The following ROBO1 variants were observed in gnomAD, a reference collection of about 807,000 sequenced individuals.
The protein encoded by ROBO1 is roundabout homolog 1.
A neutral mutation model predicts 195.9 loss-of-function variants in ROBO1; 149 were observed. The ratio of observed to expected loss-of-function variants is 0.76; its 90% CI spans 0.67 to 0.87. The LOEUF (loss-of-function observed/expected upper bound fraction) is 0.87. Ranked by LOEUF, ROBO1 falls within the 40% of genes least tolerant of loss-of-function variation. ROBO1 has a pLI of 0.00. For synonymous variants in ROBO1, 816 were observed against 733.2 expected, an observed-to-expected ratio of 1.11 and a Z score of -1.82; for missense variants, 1,933 against 2,068.3, an observed-to-expected ratio of 0.93 and a Z score of 1.27.
chr3:78,865,344 T>C (rs1260640068), intron 4 of ROBO1, among the ~76,000 whole-genome samples: 1 of 152,232 alleles, frequency 6.6e-6, no homozygotes, highest in East Asian at 1.9e-4. Flanking sequence ...CTAGTGAGTA[T>C]ACTTTAATAT....
chr3:79,566,103 C>T (rs1943081772), intron 2 of ROBO1, among the ~76,000 whole-genome samples: 1 of 152,010 alleles, frequency 6.6e-6, no homozygotes, highest in Non-Finnish European at 1.5e-5. Flanking sequence ...ACCTACAGAG[C>T]ACTATTTGGC....
At chr3:79,395,602 T>C (rs1311358137) in intron 2 of ROBO1, among the ~76,000 whole-genome samples, 1 of 152,092 alleles carries the variant, frequency 6.6e-6, no homozygotes, top group African/African-American at 2.4e-5. Context: ...AAATTGTAAC[T>C]GCTATTAGTA....
intron 3 of ROBO1, among the ~76,000 whole-genome samples, chr3:79,118,561 T>C (rs2080052662): frequency 1.3e-5 from 2 of 152,134 alleles, no homozygotes; most frequent in African/African-American, 4.8e-5. Flanking sequence ...CTAAAATTTG[T>C]AGCTTTTGCT....
At chr3:79,327,741 T>C (rs2034271269) in intron 2 of ROBO1, among the ~76,000 whole-genome samples, 1 of 151,542 alleles carries the variant, frequency 6.6e-6, no homozygotes, top group South Asian at 2.1e-4. Context: ...AAGCCCGTGA[T>C]CCATTCTCTA....
chr3:79,283,948 C>T (rs545741542), intron 2 of ROBO1, among the ~76,000 whole-genome samples: 3 of 152,096 alleles, frequency 2.0e-5, no homozygotes, highest in East Asian at 1.9e-4. Context: ...CCGCCCGCCT[C>T]GGCCTCCCAA....
chr3:79,146,460 AGT>A (rs1218281333), intron 2 of ROBO1, among the ~76,000 whole-genome samples: 10 of 152,064 alleles, frequency 6.6e-5, no homozygotes, highest in African/African-American at 7.2e-5. Flanking sequence ...GGCTAAATAT[AGT>A]GTGACAGATA....
chr3:78,656,589 G>C (rs1464798346), intron 18 of ROBO1, among the ~76,000 whole-genome samples: 2 of 151,970 alleles, frequency 1.3e-5, no homozygotes, highest in African/African-American at 2.4e-5. Context: ...CTGACCTCGT[G>C]ATTTGCCTGC....
At chr3:79,032,948 A>G (rs1351581982) in intron 3 of ROBO1, among the ~76,000 whole-genome samples, 1 of 152,096 alleles carries the variant, frequency 6.6e-6, no homozygotes, top group African/African-American at 2.4e-5. Flanking sequence ...CTGTTCATTA[A>G]CTAGATGGGA....
At chr3:78,779,429 A>G (rs997041107) in intron 4 of ROBO1, among the ~76,000 whole-genome samples, 5 of 152,212 alleles carry the variant, frequency 3.3e-5, no homozygotes, top group Admixed American at 1.3e-4. Context: ...AAACAACCCC[A>G]TCAAAAAGTG....
chr3:79,524,911 G>T (rs932489588), intron 2 of ROBO1, among the ~76,000 whole-genome samples: 1 of 151,848 alleles, frequency 6.6e-6, no homozygotes, highest in Non-Finnish European at 1.5e-5. Flanking sequence ...GTGTGTGTGT[G>T]TTTTTGTATA....
At chr3:79,332,223 C>G (rs1194535036) in intron 2 of ROBO1, among the ~76,000 whole-genome samples, 1 of 148,110 alleles carries the variant, frequency 6.8e-6, no homozygotes, top group East Asian at 2.0e-4. Flanking sequence ...AAATACCATG[C>G]AGGTACTAAC....
chr3:79,674,181 C>A (rs1946714606), intron 1 of ROBO1, among the ~76,000 whole-genome samples: 1 of 151,934 alleles, frequency 6.6e-6, no homozygotes, highest in African/African-American at 2.4e-5. Context: ...AAAGGACCTG[C>A]AATTGAGACA....
intron 3 of ROBO1, among the ~76,000 whole-genome samples, chr3:78,989,756 T>G (rs763834353): frequency 6.6e-6 from 1 of 152,226 alleles, no homozygotes; most frequent in African/African-American, 2.4e-5. Context: ...TTCTGTTGTA[T>G]AAATTAATTG....
chr3:79,766,476 C>T (rs1418218630), intron 1 of ROBO1, among the ~76,000 whole-genome samples: 1 of 151,728 alleles, frequency 6.6e-6, no homozygotes, highest in East Asian at 2.0e-4. Context: ...AGAAGGGTAT[C>T]CCAGGATTTT....
chr3:79,569,108 G>T (rs1337838847), intron 2 of ROBO1, among the ~76,000 whole-genome samples: 1 of 149,068 alleles, frequency 6.7e-6, no homozygotes, highest in Non-Finnish European at 1.5e-5. Context: ...AACCAGACAC[G>T]CATGCGCGTG....
intron 2 of ROBO1, among the ~76,000 whole-genome samples, chr3:79,272,940 G>T (rs1265780114): frequency 2.0e-5 from 3 of 152,034 alleles, no homozygotes; most frequent in Non-Finnish European, 4.4e-5. Flanking sequence ...ACAGGCCAGG[G>T]GAGAATGGAA....
chr3:79,198,055 G>A (rs1382486665), intron 2 of ROBO1, among the ~76,000 whole-genome samples: 1 of 151,934 alleles, frequency 6.6e-6, no homozygotes, highest in East Asian at 1.9e-4. Context: ...AATCCCATTT[G>A]TCAATTTTGG....
chr3:79,284,889 T>A (rs1318283307), intron 2 of ROBO1, among the ~76,000 whole-genome samples: 5 of 152,076 alleles, frequency 3.3e-5, no homozygotes, highest in Non-Finnish European at 7.4e-5. Context: ...AACTTAATTA[T>A]TACTCAAAAC....
At position 78,651,718 on chromosome 3, in the gene ROBO1, G is replaced by C. The variant is rs1418286145; in HGVS notation, c.2812+14C>G. ...ATAAACATTAAAATATGAAAACCTT[G>C]GGAAAGCTAATACCTTTTCTGATAC... On this transcript the variant is annotated intron_variant, in intron 19 of 30. Coordinates refer to ENST00000464233, the MANE Select transcript of ROBO1 (RefSeq NM_002941.4). 1.7e-5 allele frequency: 26 copies of C among 1,539,530 alleles called. No individual in the cohort carries two copies. The highest frequency in any genetic ancestry group is 2.3e-5 in the Non-Finnish European group (26 of 1,142,400).
Sources: gnomAD v4.1 joint callset for allele counts (sites outside exome capture counted in the v4.1 genomes callset) on GRCh38, gnomAD v4.1.1 for gene constraint, MANE v1.5 for transcripts, NCBI Gene and HGNC (gene_info 2026-07-23, HGNC 2026-07-21) for gene names.